Variants in FGD5 observed in about 807,000 individuals in gnomAD.
FGD5 encodes the protein FYVE, RhoGEF and PH domain-containing protein 5.
Under a neutral mutation model 133.4 loss-of-function variants are expected in FGD5, and 28 were observed. That is an observed-to-expected ratio of 0.21 (90% CI 0.16 to 0.29). The LOEUF is 0.29. FGD5 is among the 10% of genes least tolerant of loss of function. The pLI is 1.00. For missense variants in FGD5, 1,858 were observed against 1,895.2 expected (o/e 0.98, Z 0.36); for synonymous variants, 810 against 776.5 (o/e 1.04, Z -0.72).
In FGD5 at chr3:14,820,716, C is replaced by T. The variant is rs189830530; in HGVS notation, c.1645C>T (p.Arg549Trp). The change falls in exon 1 of 20, where the codon CGG becomes TGG. Residue 549 changes from arginine to tryptophan, a missense_variant. By Grantham distance (101) the Arg-to-Trp change is moderately radical. Transcript: ENST00000285046. ...GCCCAGGGCCTTTACTTTATACCCT[C>T]GGTCGTTCTCCGTGGAAGGCCGAGA... ...AKPRAFTLYP[R>W]SFSVEGREIP... 29 of 1,600,056 alleles carry T rather than the reference C, an allele frequency of 1.8e-5. No homozygotes were observed. Among genetic ancestry groups the T allele is most frequent in the Admixed American group, 1.6e-4 (9 of 57,564 alleles).
Position 14,881,320 on chromosome 3 carries a change from C to G in FGD5, c.2748+548C>G, listed in dbSNP as rs77684037. ...ACAGGCACTGCTCCCCTTCGTAACT[C>G]ACAGGACAGCTTGCAGAGTGTCCCT... On this transcript the variant is annotated intron_variant, in intron 4 of 19. Coordinates refer to ENST00000285046, the MANE Select transcript of FGD5 (RefSeq NM_152536.4). Among the ~76,000 whole-genome samples, 775 of 152,312 alleles carry G rather than the reference C, an allele frequency of 5.1e-3. 5 individuals are homozygous for G. The highest frequency in any genetic ancestry group is 0.018 in the African/African-American group (730 of 41,556).
At chr3:14,854,939 A>G (rs1368103116) in intron 1 of FGD5, among the ~76,000 whole-genome samples, 1 of 152,166 alleles carries the variant, frequency 6.6e-6, no homozygotes, top group Non-Finnish European at 1.5e-5. Context: ...CTACAGTGCT[A>G]TGGAACCCTA....
chr3:14,853,127 C>A (rs1687320), intron 1 of FGD5, among the ~76,000 whole-genome samples: 1 of 151,818 alleles, frequency 6.6e-6, no homozygotes, highest in East Asian at 1.9e-4. Context: ...CTTTGTCTTC[C>A]GTGGTCCCAG....
At chr3:14,910,644 C>G (rs907759158) in intron 10 of FGD5, among the ~76,000 whole-genome samples, 4 of 152,214 alleles carry the variant, frequency 2.6e-5, no homozygotes, top group Admixed American at 2.0e-4. Flanking sequence ...AAGCCCTGCT[C>G]TAGCATATAC....
At chr3:14,923,862 G>A (rs971050622) in intron 16 of FGD5, 146 bp from the exon 17 acceptor site, 5 of 1,006,460 alleles carry the variant, frequency 5.0e-6, no homozygotes, top group Non-Finnish European at 7.2e-6. Flanking sequence ...CCTGCAGGAG[G>A]GAGGGAGGAA....
rs1326967376 is a variant in FGD5, at chr3:14,875,236, A to G, written c.2659-5336A>G. ...GCCCCTTCATTGGGACCCTCAACAC[A>G]TGGAAGACTCACAAGGAAAATTTCC... On this transcript the variant is annotated intron_variant, in intron 2 of 19. Coordinates refer to ENST00000285046, the MANE Select transcript of FGD5 (RefSeq NM_152536.4). Among the ~76,000 whole-genome samples the G allele has an allele frequency of 2.0e-5, 3 of 152,104 alleles. No individual in the cohort carries two copies. The East Asian group carries it at 5.8e-4, about 29-fold the overall frequency.
chr3:14,854,552 A>C (rs2037238434), intron 1 of FGD5, among the ~76,000 whole-genome samples: 1 of 151,988 alleles, frequency 6.6e-6, no homozygotes, highest in African/African-American at 2.4e-5. Context: ...AGTAGCTAGG[A>C]CTACAGGTGT....
intron 17 of FGD5, among the ~76,000 whole-genome samples, chr3:14,925,115 A>C (rs995523269): frequency 8.6e-5 from 13 of 151,228 alleles, no homozygotes; most frequent in Admixed American, 4.6e-4. Context: ...AAAAAAAAAA[A>C]AAAAAAAAAA....
At chr3:14,900,681 C>T (rs539324795) in intron 8 of FGD5, among the ~76,000 whole-genome samples, 3 of 152,256 alleles carry the variant, frequency 2.0e-5, no homozygotes, top group South Asian at 4.2e-4. Flanking sequence ...GAGGACATCC[C>T]GTCAGAGGGG....
intron 1 of FGD5, among the ~76,000 whole-genome samples, chr3:14,836,774 G>T (rs550773992): frequency 1.3e-5 from 2 of 152,148 alleles, no homozygotes; most frequent in African/African-American, 4.8e-5. Context: ...GATGAGATGT[G>T]ATTAAAATAA....
chr3:14,837,514 C>G (rs2036839028), intron 1 of FGD5, among the ~76,000 whole-genome samples: 1 of 152,134 alleles, frequency 6.6e-6, no homozygotes, highest in Admixed American at 6.5e-5. Context: ...CTAGCCTTCT[C>G]TAGGTTTTGC....
At chr3:14,881,254 G>A (rs918344878) in intron 4 of FGD5, among the ~76,000 whole-genome samples, 1 of 152,076 alleles carries the variant, frequency 6.6e-6, no homozygotes, top group Non-Finnish European at 1.5e-5. Context: ...GTGGTGAGGG[G>A]CTCCTTTGGG....
At chr3:14,895,540 T>C (rs6442485) in intron 4 of FGD5, among the ~76,000 whole-genome samples, 107,222 of 152,022 alleles carry the variant, frequency 0.71, 37,933 homozygotes, top group Non-Finnish European at 0.73. Context: ...TATCTGGGTT[T>C]ACAGACAACA....
intron 2 of FGD5, among the ~76,000 whole-genome samples, chr3:14,865,467 G>A (rs2037476531): frequency 6.6e-6 from 1 of 152,106 alleles, no homozygotes; most frequent in South Asian, 2.1e-4. Context: ...GCCCTCAAGA[G>A]AGTTACTCCC....
intron 1 of FGD5, among the ~76,000 whole-genome samples, chr3:14,847,574 A>G (rs1007963529): frequency 3.3e-5 from 5 of 152,242 alleles, no homozygotes; most frequent in East Asian, 1.9e-4. Context: ...GTTGTTTTGT[A>G]TGTATCACTT....
chr3:14,822,090 C>T (rs944914343), intron 1 of FGD5, among the ~76,000 whole-genome samples: 1 of 150,448 alleles, frequency 6.6e-6, no homozygotes, highest in Non-Finnish European at 1.5e-5. Flanking sequence ...TAGAGCGAGA[C>T]TCTGTCTAAA....
chr3:14,870,630 T>C (rs35030953), intron 2 of FGD5, among the ~76,000 whole-genome samples: 7,445 of 152,188 alleles, frequency 0.049, 224 homozygotes, highest in Middle Eastern at 0.092. Flanking sequence ...CCAGACCCCA[T>C]CCTTCATTCT....
intron 18 of FGD5, chr3:14,931,219 T>C (rs1394608859): frequency 6.6e-6 from 1 of 152,254 alleles, no homozygotes; most frequent in Non-Finnish European, 1.5e-5. Context: ...TTCCTTCTAC[T>C]CTAGTTTGCT....
intron 19 of FGD5, 147 bp from the exon 20 acceptor site, chr3:14,932,984 A>G: frequency 9.4e-7 from 1 of 1,068,110 alleles, no homozygotes; most frequent in South Asian, 1.4e-5. Flanking sequence ...TGAATATAGA[A>G]AACATGTTTG....
Sources: allele counts gnomAD v4.1 joint callset (sites outside exome capture counted in the v4.1 genomes callset), GRCh38; gene constraint gnomAD v4.1.1; transcripts MANE v1.5; gene names NCBI Gene and HGNC (gene_info 2026-07-23, HGNC 2026-07-21).